The following RP1L1 variants were observed in gnomAD, a reference collection of about 807,000 sequenced individuals.
RP1L1 encodes the protein RP1 like 1.
In RP1L1, 27 loss-of-function variants were observed where a neutral mutation model predicts 15.7. The observed-to-expected ratio is 1.72, with a 90% CI of 1.27 to 2.38. RP1L1 has a LOEUF of 2.38. RP1L1 is among the 30% of genes most tolerant of loss of function. The probability of loss-of-function intolerance (pLI) is 0.00; values close to 1 mark genes in which losing one functional copy is unlikely to be tolerated. For synonymous variants in RP1L1, 1,813 were observed against 1,276.7 expected (o/e 1.42, Z -8.96); for missense variants, 4,798 against 3,075.9 (o/e 1.56, Z -13.24).
intron 3 of RP1L1, 37 bp from the exon 4 acceptor site, chr8:10,613,383 G>C (rs1328535033): frequency 4.4e-5 from 71 of 1,598,506 alleles, no homozygotes; most frequent in Non-Finnish European, 5.5e-5. Context: ...AAGAAGAAAA[G>C]ACTGTGAGCC....
In RP1L1 at chr8:10,611,293, C is replaced by G. The variant is rs759227971; in HGVS notation, c.2805G>C (p.Gln935His). 5.6e-6 allele frequency: 9 copies of G among 1,613,026 alleles called. No individual in the cohort carries two copies. The highest frequency in any genetic ancestry group is 7.6e-6 in the Non-Finnish European group (9 of 1,180,014). The change falls in exon 4 of 4, where the codon CAG becomes CAC. Residue 935 changes from glutamine to histidine, a missense_variant. By Grantham distance (24) the Gln-to-His change is conservative. Coordinates refer to ENST00000382483, the MANE Select transcript of RP1L1 (RefSeq NM_178857.6). The part of the protein sequence containing the change: ...EKTLRSGGGP[Q>H]GQEEASGVSP... ...ACACACCACTGGCCTCCTCCTGCCC[C>G]TGGGGGCCTCCCCCACTCCTCAAGG... is the stretch of plus-strand genomic sequence containing the variant.
intron 1 of RP1L1, among the ~76,000 whole-genome samples, chr8:10,639,262 G>C (rs1395905650): frequency 1.3e-5 from 2 of 152,198 alleles, no homozygotes; most frequent in Admixed American, 6.5e-5. Flanking sequence ...TCATGCATCA[G>C]AGAGAGAAAG....
chr8:10,609,214 G>T lies in RP1L1; in HGVS notation c.4884C>A (p.Pro1628=), dbSNP rs1442378762. 2 of 1,610,260 alleles carry T rather than the reference G, an allele frequency of 1.2e-6. No individual in the cohort carries two copies. Among genetic ancestry groups the T allele is most frequent in the Admixed American group, 1.7e-5 (1 of 60,012 alleles). The change falls in exon 4 of 4, where the codon CCC becomes CCA. Residue 1628 remains proline (P), a synonymous_variant. Coordinates refer to ENST00000382483, the MANE Select transcript of RP1L1 (RefSeq NM_178857.6). ...GCTCGTCCTCCAGGGTGAAGGAGAG[G>T]GGCCCCAGGCCCAGGGTCCGCTCAG... ...AFSERTLGLG[P]LSFTLEDEPA...
At position 10,616,539 on chromosome 8, in the gene RP1L1, C is replaced by T. The variant is rs765852714; in HGVS notation, c.658G>A (p.Ala220Thr). The T allele has an allele frequency of 3.7e-6, 6 of 1,614,050 alleles. No homozygotes were observed. Among genetic ancestry groups the T allele is most frequent in the Admixed American group, 3.3e-5 (2 of 60,034 alleles). ...LLHSPSVLVC[A>T]GHEAFRTPAM... Reference sequence around the variant, plus strand: ...GGGGTTCTGAAGGCCTCATGCCCGGCACACACCAGCACAGAGGGGCTGTGC... The same window carrying T: ...GGGGTTCTGAAGGCCTCATGCCCGGTACACACCAGCACAGAGGGGCTGTGC... The change falls in exon 3 of 4, where the codon GCC becomes ACC. Residue 220 changes from alanine to threonine, a missense_variant. Coordinates refer to ENST00000382483, the MANE Select transcript of RP1L1 (RefSeq NM_178857.6).
intron 3 of RP1L1, among the ~76,000 whole-genome samples, chr8:10,613,679 A>G (rs1035370463): frequency 6.6e-6 from 1 of 151,532 alleles, no homozygotes; most frequent in Admixed American, 6.6e-5. Context: ...CCAGCTTCCT[A>G]GCTACTCGGA....
At chr8:10,643,963 G>A (rs760759436) in intron 1 of RP1L1, among the ~76,000 whole-genome samples, 20 of 151,998 alleles carry the variant, frequency 1.3e-4, no homozygotes, top group Non-Finnish European at 7.4e-5. Flanking sequence ...CCAGGTTGGT[G>A]GAAGGAAGTT....
chr8:10,624,737 C>T (rs1439015982), intron 1 of RP1L1, among the ~76,000 whole-genome samples: 5 of 152,138 alleles, frequency 3.3e-5, no homozygotes, highest in Non-Finnish European at 5.9e-5. Context: ...ATTCTGGCTG[C>T]CGGACATCTG....
At position 10,606,912 on chromosome 8, in the gene RP1L1, C is replaced by G. The variant is rs945438158; in HGVS notation, c.7186G>C (p.Asp2396His). 1 of 1,614,128 alleles carries G rather than the reference C, an allele frequency of 6.2e-7. No homozygotes were observed. Among genetic ancestry groups the G allele is most frequent in the Admixed American group, 1.7e-5 (1 of 60,012 alleles). ...AVGRADGFGQ[D>H]DLDF Reference sequence around the variant, plus strand: ...GATCTTGTCTAGAAATCTAAGTCATCTTGGCCAAAGCCGTCTGCCCTGCCC... The same window carrying G: ...GATCTTGTCTAGAAATCTAAGTCATGTTGGCCAAAGCCGTCTGCCCTGCCC... Residue 2396 changes from aspartate to histidine, a missense_variant, in exon 4 of 4, where the codon GAT (aspartate) becomes CAT (histidine). Transcript: ENST00000382483.
At chr8:10,645,695 G>A (rs1469433913) in intron 1 of RP1L1, among the ~76,000 whole-genome samples, 2 of 152,108 alleles carry the variant, frequency 1.3e-5, no homozygotes, top group Non-Finnish European at 2.9e-5. Flanking sequence ...GCGAGCATTG[G>A]GCTTCCCTGG....
intron 1 of RP1L1, among the ~76,000 whole-genome samples, chr8:10,637,554 T>G (rs531902099): frequency 1.3e-5 from 2 of 152,288 alleles, no homozygotes; most frequent in South Asian, 4.2e-4. Context: ...AAATGTAGCC[T>G]GGGCAACAGA....
At chr8:10,630,587 G>T (rs1187747363) in intron 1 of RP1L1, among the ~76,000 whole-genome samples, 1 of 152,210 alleles carries the variant, frequency 6.6e-6, no homozygotes, top group Non-Finnish European at 1.5e-5. Context: ...GGGGAGCTGG[G>T]GTCAGAGAAG....
intron 1 of RP1L1, among the ~76,000 whole-genome samples, chr8:10,638,569 C>A (rs1013676383): frequency 1.3e-5 from 2 of 151,948 alleles, no homozygotes; most frequent in African/African-American, 4.8e-5. Flanking sequence ...CACAGTGAGA[C>A]CCCATCTCTA....
At chr8:10,621,614 C>A (rs1188336663) in intron 2 of RP1L1, 1 of 438,898 alleles carries the variant, frequency 2.3e-6, no homozygotes, top group Non-Finnish European at 4.7e-6. Flanking sequence ...GCGTGCGCCA[C>A]TGTGCCCAGT....
At chr8:10,637,742 T>C (rs1427178447) in intron 1 of RP1L1, among the ~76,000 whole-genome samples, 1 of 152,186 alleles carries the variant, frequency 6.6e-6, no homozygotes, top group African/African-American at 2.4e-5. Flanking sequence ...ATCTCCTGCA[T>C]AGGAGTTTAT....
In RP1L1 at chr8:10,616,467, G is replaced by A. The variant is rs376256529; in HGVS notation, c.730C>T (p.Leu244=). 7.4e-6 allele frequency: 12 copies of A among 1,614,098 alleles called. No individual in the cohort carries two copies. The African/African-American group carries it at 1.3e-4, about 18-fold the overall frequency. ...TCACCGTTTTTGTTTCTTGAAGTCA[G>A]CCCAGATAAAGTTTCAGCCTCGCTT... ...RRSEAETLSG[L]TSRNKNGSWG... The change falls in exon 3 of 4, where the codon CTG becomes TTG. Residue 244 remains leucine (L), a synonymous_variant. Coordinates refer to ENST00000382483, the MANE Select transcript of RP1L1 (RefSeq NM_178857.6).
At chr8:10,626,784 A>T (rs891611774) in intron 1 of RP1L1, among the ~76,000 whole-genome samples, 4 of 152,168 alleles carry the variant, frequency 2.6e-5, no homozygotes, top group African/African-American at 9.7e-5. Flanking sequence ...GCGAAGCACA[A>T]ATTGCTCACA....
At chr8:10,624,509 C>T (rs1008476527) in intron 1 of RP1L1, among the ~76,000 whole-genome samples, 6 of 152,214 alleles carry the variant, frequency 3.9e-5, no homozygotes, top group African/African-American at 1.2e-4. Context: ...AGCCTAAAAA[C>T]AACTTAGGGA....
chr8:10,614,752 C>A (rs962290653), intron 3 of RP1L1, among the ~76,000 whole-genome samples: 1 of 150,792 alleles, frequency 6.6e-6, no homozygotes, highest in Non-Finnish European at 1.5e-5. Context: ...ATGAATGAAG[C>A]CCCCAAGGGC....
At chr8:10,639,047 A>AG (rs1464003347) in intron 1 of RP1L1, among the ~76,000 whole-genome samples, 1 of 151,900 alleles carries the variant, frequency 6.6e-6, no homozygotes, top group African/African-American at 2.4e-5. Context: ...TGGGAGGCTG[A>AG]GGCAGGGGAA....
Sources: gnomAD v4.1 joint callset for allele counts (sites outside exome capture counted in the v4.1 genomes callset) on GRCh38, gnomAD v4.1.1 for gene constraint, MANE v1.5 for transcripts, NCBI Gene and HGNC (gene_info 2026-07-23, HGNC 2026-07-21) for gene names.